NAALADL2: variants seen among roughly 807,000 people sequenced by gnomAD.
NAALADL2 encodes inactive N-acetylated-alpha-linked acidic dipeptidase-like protein 2.
A neutral mutation model predicts 87.2 loss-of-function variants in NAALADL2; 76 were observed. That is an observed-to-expected ratio of 0.87 (90% CI 0.72 to 1.05). The LOEUF is 1.05. Among genes scored for constraint, NAALADL2 ranks in the 50% least tolerant of loss-of-function variants. NAALADL2 has a pLI of 0.00. For synonymous variants in NAALADL2, 354 were observed against 331.0 expected, an observed-to-expected ratio of 1.07 and a Z score of -0.75; for missense variants, 1,089 against 945.8, an observed-to-expected ratio of 1.15 and a Z score of -1.99.
chr3:174,533,032 G>A (rs542554565), intron 1 of NAALADL2, among the ~76,000 whole-genome samples: 1 of 151,294 alleles, frequency 6.6e-6, no homozygotes, highest in South Asian at 2.1e-4. Flanking sequence ...TTTGGAAAGA[G>A]GACTAACTTT....
chr3:175,390,185 A>T (rs1445422526), intron 5 of NAALADL2, among the ~76,000 whole-genome samples: 5 of 152,136 alleles, frequency 3.3e-5, no homozygotes, highest in African/African-American at 1.2e-4. Context: ...GAAAAAAATT[A>T]TACTGTGCCT....
chr3:175,282,785 T>G (rs551817326), intron 4 of NAALADL2, among the ~76,000 whole-genome samples: 8 of 152,106 alleles, frequency 5.3e-5, no homozygotes, highest in Non-Finnish European at 8.8e-5. Flanking sequence ...CTTGTTTCCT[T>G]TAAGCTTCTG....
intron 11 of NAALADL2, among the ~76,000 whole-genome samples, chr3:175,665,931 C>CG (rs1732914122): frequency 6.6e-6 from 1 of 151,444 alleles, no homozygotes; most frequent in Non-Finnish European, 1.5e-5. Context: ...CTCTGTCCCC[C>CG]CCCCAAAAAA....
intron 1 of NAALADL2, among the ~76,000 whole-genome samples, chr3:174,985,253 A>C (rs918034216): frequency 2.0e-5 from 3 of 152,222 alleles, no homozygotes; most frequent in Non-Finnish European, 2.9e-5. Context: ...AGAATCTTAG[A>C]TTCCGAAGTG....
At chr3:175,324,474 T>C (rs1212488887) in intron 5 of NAALADL2, 149 bp downstream of exon 5, 4 of 648,468 alleles carry the variant, frequency 6.2e-6, no homozygotes, top group Non-Finnish European at 1.0e-5. Context: ...TTTTTTATCT[T>C]CTCATAATTA....
At chr3:175,359,934 C>A (rs2148903879) in intron 5 of NAALADL2, among the ~76,000 whole-genome samples, 1 of 152,204 alleles carries the variant, frequency 6.6e-6, no homozygotes, top group Admixed American at 6.6e-5. Flanking sequence ...AAAGGGGCCA[C>A]TTTAAGTTTT....
chr3:175,151,236 G>A (rs540791494), intron 2 of NAALADL2, among the ~76,000 whole-genome samples: 1 of 152,048 alleles, frequency 6.6e-6, no homozygotes, highest in Admixed American at 6.6e-5. Context: ...TCAACAACTG[G>A]GCAGGCAGGC....
chr3:175,070,117 C>T (rs892752931), intron 1 of NAALADL2, among the ~76,000 whole-genome samples: 2 of 150,348 alleles, frequency 1.3e-5, no homozygotes, highest in African/African-American at 4.9e-5. Context: ...ACATATGTAA[C>T]TAACCTGCAC....
chr3:175,527,802 A>T (rs1289691929), intron 9 of NAALADL2, among the ~76,000 whole-genome samples: 1 of 152,220 alleles, frequency 6.6e-6, no homozygotes, highest in Non-Finnish European at 1.5e-5. Flanking sequence ...TGCATTATAC[A>T]TGCATATTTG....
In NAALADL2 at chr3:175,568,375, A is replaced by AGAT. The variant is rs200582339; in HGVS notation, c.1654-7664_1654-7662dup. ...TAAATAAGTATTGAAGAAAAATTAT[A>AGAT]GATGCGTAGTTTGTTACAACTAGAT... On this transcript the variant is annotated intron_variant, in intron 9 of 13. Transcript: ENST00000454872. 5.7e-3 allele frequency among the ~76,000 whole-genome samples: 866 copies of AGAT among 152,324 alleles called. 7 individuals carry two copies. Among genetic ancestry groups the AGAT allele is most frequent in the African/African-American group, 0.02 (821 of 41,564 alleles).
intron 3 of NAALADL2, 52 bp from the exon 4 acceptor site, chr3:175,256,359 T>G: frequency 1.3e-6 from 2 of 1,536,274 alleles, no homozygotes; most frequent in Non-Finnish European, 1.8e-6. Context: ...GACAATTGGC[T>G]ATACTTCTTC....
chr3:175,168,275 C>T (rs1190300964), intron 2 of NAALADL2, among the ~76,000 whole-genome samples: 2 of 151,810 alleles, frequency 1.3e-5, no homozygotes, highest in Non-Finnish European at 1.5e-5. Context: ...AAAAAATCTG[C>T]ACTTTTAGGA....
At chr3:174,947,413 C>T (rs1159300830) in intron 1 of NAALADL2, among the ~76,000 whole-genome samples, 5 of 152,112 alleles carry the variant, frequency 3.3e-5, no homozygotes, top group Admixed American at 2.0e-4. Flanking sequence ...AATTTATAGG[C>T]ATAATCTGAA....
At chr3:174,661,713 C>T (rs974577024) in intron 2 of NAALADL2, among the ~76,000 whole-genome samples, 8 of 152,112 alleles carry the variant, frequency 5.3e-5, no homozygotes, top group Non-Finnish European at 5.9e-5. Flanking sequence ...TTTCTTTACC[C>T]TCACTCCCTT....
intron 1 of NAALADL2, among the ~76,000 whole-genome samples, chr3:175,069,420 A>G (rs1429608913): frequency 2.0e-5 from 3 of 149,950 alleles, no homozygotes; most frequent in African/African-American, 7.6e-5. Context: ...AATGCTCACC[A>G]TCACTGGCCA....
chr3:175,007,494 T>C (rs1016369849), intron 1 of NAALADL2, among the ~76,000 whole-genome samples: 1 of 152,214 alleles, frequency 6.6e-6, no homozygotes, highest in African/African-American at 2.4e-5. Context: ...GGTCTAAAAA[T>C]GGTTTCTGGC....
chr3:174,598,747 C>G (rs1168290460), intron 2 of NAALADL2, among the ~76,000 whole-genome samples: 1 of 152,056 alleles, frequency 6.6e-6, no homozygotes, highest in African/African-American at 2.4e-5. Context: ...TCAGACATTA[C>G]TATAGAAAAA....
intron 11 of NAALADL2, among the ~76,000 whole-genome samples, chr3:175,730,233 A>G (rs929952683): frequency 2.0e-5 from 3 of 151,720 alleles, no homozygotes; most frequent in African/African-American, 7.2e-5. Context: ...AGTTTAGTAA[A>G]TAATCTTTTT....
intron 1 of NAALADL2, among the ~76,000 whole-genome samples, chr3:175,053,989 C>T (rs1351533076): frequency 6.6e-6 from 1 of 152,214 alleles, no homozygotes; most frequent in Non-Finnish European, 1.5e-5. Context: ...AGGGTGCATT[C>T]TACTGCTAAC....
Sources: gnomAD v4.1 joint callset for allele counts (sites outside exome capture counted in the v4.1 genomes callset) on GRCh38, gnomAD v4.1.1 for gene constraint, MANE v1.5 for transcripts, NCBI Gene and HGNC (gene_info 2026-07-23, HGNC 2026-07-21) for gene names.